The following SAP130 variants were observed in gnomAD, a reference collection of about 807,000 sequenced individuals.
The protein encoded by SAP130 is Sin3A associated protein 130.
A neutral mutation model predicts 103.2 loss-of-function variants in SAP130; 16 were observed. The ratio of observed to expected loss-of-function variants is 0.16; its 90% CI spans 0.10 to 0.24. The LOEUF is 0.24. Among genes scored for constraint, SAP130 ranks in the 10% least tolerant of loss-of-function variants. SAP130 has a pLI of 1.00. For synonymous variants in SAP130, 477 were observed against 497.0 expected (o/e 0.96, Z 0.53); for missense variants, 990 against 1,359.7 (o/e 0.73, Z 4.28).
Position 127,984,459 on chromosome 2 carries a change from C to CGG in SAP130, c.1958+2324_1958+2325dup, listed in dbSNP as rs1559068538. Among the ~76,000 whole-genome samples, 3 of 152,226 alleles carry CGG rather than the reference C, an allele frequency of 2.0e-5. No individual in the cohort carries two copies. The East Asian group carries it at 5.8e-4, about 29-fold the overall frequency. On this transcript the variant is annotated intron_variant, in intron 14 of 20. Transcript: ENST00000643581. Reference sequence around the variant, plus strand: ...TGGTTGTATGTTCATGATTAAGAGTCGGGGAGAGGGACTGAAATGCTGGCT... The same window carrying CGG: ...TGGTTGTATGTTCATGATTAAGAGTCGGGGGGAGAGGGACTGAAATGCTGGCT...
chr2:127,948,328 GTTTT>G (rs71307269), intron 18 of SAP130, among the ~76,000 whole-genome samples: 1 of 101,536 alleles, frequency 9.8e-6, no homozygotes, highest in East Asian at 2.6e-4. Context: ...TTTCCTGTGA[GTTTT>G]TTTTTTTTTT....
intron 16 of SAP130, among the ~76,000 whole-genome samples, chr2:127,951,998 T>C (rs1320929795): frequency 6.6e-6 from 1 of 152,192 alleles, no homozygotes; most frequent in Non-Finnish European, 1.5e-5. Flanking sequence ...TCTCCATGCT[T>C]TCAGCAAAGG....
At chr2:127,973,024 A>G (rs546880702) in intron 15 of SAP130, among the ~76,000 whole-genome samples, 2 of 152,322 alleles carry the variant, frequency 1.3e-5, no homozygotes, top group South Asian at 4.1e-4. Context: ...AACATCACAC[A>G]GTATAGGGAA....
chr2:127,963,372 G>C (rs541502882), intron 15 of SAP130, among the ~76,000 whole-genome samples: 1 of 152,064 alleles, frequency 6.6e-6, no homozygotes, highest in Non-Finnish European at 1.5e-5. Context: ...CAGGACCACA[G>C]GTGCGTGCCA....
Position 127,956,867 on chromosome 2 carries a change from C to T in SAP130, c.2064-1523G>A, listed in dbSNP as rs74647084. ...TTGGTTGCTGGGGAGAAATCCTTCC[C>T]CACTTCTTACTAACCAAAGGTCACA... On this transcript the variant is annotated intron_variant, in intron 15 of 20. Coordinates refer to ENST00000643581, the MANE Select transcript of SAP130 (RefSeq NM_001330301.2). Among the ~76,000 whole-genome samples the T allele has an allele frequency of 5.9e-5, 9 of 152,168 alleles. No homozygotes were observed. In the East Asian group the frequency reaches 1.5e-3, roughly 26 times the overall value.
At chr2:127,948,514 G>C (rs1041161524) in intron 18 of SAP130, among the ~76,000 whole-genome samples, 1 of 151,086 alleles carries the variant, frequency 6.6e-6, no homozygotes, top group African/African-American at 2.4e-5. Flanking sequence ...TAATTTTTTT[G>C]TGTTTTTAGT....
intron 6 of SAP130, among the ~76,000 whole-genome samples, 161 bp downstream of exon 6, chr2:128,012,869 C>T (rs1275328666): frequency 1.3e-5 from 2 of 150,824 alleles, no homozygotes; most frequent in Non-Finnish European, 2.9e-5. Flanking sequence ...ACCATCTCTC[C>T]TCTGCATTCT....
rs1682450424 is a variant in SAP130 at position 127,986,991 on chromosome 2, A to G, written c.1781-29T>C. 1.3e-6 allele frequency: 2 copies of G among 1,590,364 alleles called. No homozygotes were observed. The highest frequency in any genetic ancestry group is 1.7e-6 in the Non-Finnish European group (2 of 1,162,254). On this transcript the variant is annotated intron_variant, in intron 13 of 20. Coordinates refer to ENST00000643581, the MANE Select transcript of SAP130 (RefSeq NM_001330301.2). This position sits in a 1 kb window ranked among gnomAD's most constrained non-coding sequence, Gnocchi z 4.7. ...CAGGAGAGAGGCAACAGGAAAGAACATTGAAGAGAGGGAAACAAAATGCCA... is the reference window on the plus strand; with the variant it reads ...CAGGAGAGAGGCAACAGGAAAGAACGTTGAAGAGAGGGAAACAAAATGCCA...
rs1678789724 is a variant in SAP130, at chr2:127,942,668, C to T, written c.2902-131G>A. 5 of 632,712 alleles carry T rather than the reference C, an allele frequency of 7.9e-6. No individual in the cohort carries two copies. The highest frequency in any genetic ancestry group is 3.7e-5 in the African/African-American group (2 of 54,700). 39.2% of individuals were successfully genotyped at this position (632,712 alleles called of 1,614,324 possible). ...TTGTTTGGGTGACAACGTCCTTTCT[C>T]CTAAGGACTAAGATACTAAGGTTTA... On this transcript the variant is annotated intron_variant, in intron 19 of 20. Transcript: ENST00000643581. The surrounding 1 kb of genome is among the most constrained non-coding windows in gnomAD (Gnocchi z 4.8).
chr2:127,947,767 T>TGTGTGTGA (rs1419919293), intron 18 of SAP130, among the ~76,000 whole-genome samples: 2,958 of 147,224 alleles, frequency 0.02, 99 homozygotes, highest in African/African-American at 0.072. Flanking sequence ...TGTGTGTCTG[T>TGTGTGTGA]GTGTGTGTGT....
At chr2:128,000,286 G>T in intron 8 of SAP130, 21 bp downstream of exon 8, 1 of 1,614,072 alleles carries the variant, frequency 6.2e-7, no homozygotes, top group Non-Finnish European at 8.5e-7. Flanking sequence ...TACACAGGTG[G>T]TTCTCCACTT....
chr2:127,998,007 G>A (rs1010216527), intron 10 of SAP130, among the ~76,000 whole-genome samples: 3 of 151,862 alleles, frequency 2.0e-5, no homozygotes, highest in Non-Finnish European at 4.4e-5. Flanking sequence ...CCAGCTACTC[G>A]GAAGGCTGAG....
chr2:127,954,833 C>T (rs1016361668), intron 16 of SAP130, among the ~76,000 whole-genome samples, 153 bp downstream of exon 16: 5 of 152,270 alleles, frequency 3.3e-5, no homozygotes, highest in Non-Finnish European at 7.4e-5. Flanking sequence ...TTACTGCTTT[C>T]TTCTACTTAT....
At chr2:128,009,975 G>C (rs746446495) in intron 7 of SAP130, among the ~76,000 whole-genome samples, 3 of 152,010 alleles carry the variant, frequency 2.0e-5, no homozygotes, top group Non-Finnish European at 4.4e-5. Context: ...TAAGTCCCCT[G>C]CACCACCCAC....
chr2:127,945,430 TG>T lies in SAP130; in HGVS notation c.2901+25del, dbSNP rs1477678733. Reference sequence around the variant, plus strand: ...GTGTCTTCTCCTCTCTTCAGCATGATGAACAACTGCTAGAACTCCACCTACC... The same window carrying T: ...GTGTCTTCTCCTCTCTTCAGCATGATAACAACTGCTAGAACTCCACCTACC... On this transcript the variant is annotated intron_variant, in intron 19 of 20. Coordinates refer to ENST00000643581, the MANE Select transcript of SAP130 (RefSeq NM_001330301.2). 2.2e-6 allele frequency: 3 copies of T among 1,390,446 alleles called. No homozygotes were observed. In the East Asian group the frequency reaches 6.8e-5, roughly 32 times the overall value. 86.1% of individuals were successfully genotyped at this position (1,390,446 alleles called of 1,614,324 possible).
At chr2:127,987,131 T>G (rs1325786922) in intron 13 of SAP130, among the ~76,000 whole-genome samples, 169 bp from the exon 14 acceptor site, 2 of 152,212 alleles carry the variant, frequency 1.3e-5, no homozygotes, top group African/African-American at 4.8e-5. Flanking sequence ...AAAGAGCAGA[T>G]AGCTAAATGG....
chr2:128,017,737 G>A lies in SAP130; in HGVS notation c.291C>T (p.Ala97=), dbSNP rs1294233779. The part of the protein sequence containing the change: ...VASATPVAVT[A]PPAHLTPAVP... ...CTGCTGGCGTCAGGTGTGCTGGCGG[G>A]GCTGTCACTGCAACAGGTGTGGCTG... is the stretch of plus-strand genomic sequence containing the variant. The change falls in exon 3 of 21, where the codon GCC becomes GCT. Residue 97 remains alanine (A), a synonymous_variant. Transcript: ENST00000643581. 6.2e-7 allele frequency: 1 copy of A among 1,614,076 alleles called. No homozygotes were observed. The highest frequency in any genetic ancestry group is 8.5e-7 in the Non-Finnish European group (1 of 1,180,038).
intron 17 of SAP130, 58 bp from the exon 18 acceptor site, chr2:127,950,052 A>C: frequency 6.2e-7 from 1 of 1,609,598 alleles, no homozygotes; most frequent in Non-Finnish European, 8.5e-7. Flanking sequence ...CTCAAAGTTC[A>C]TTTCCAGTAA....
intron 2 of SAP130, 50 bp from the exon 3 acceptor site, chr2:128,017,965 A>G (rs757494919): frequency 2.1e-6 from 3 of 1,452,062 alleles, no homozygotes; most frequent in Non-Finnish European, 2.9e-6. Context: ...TCCCAGTGTA[A>G]GATAGCAGCA....
Sources: gnomAD v4.1 joint callset for allele counts (sites outside exome capture counted in the v4.1 genomes callset) on GRCh38, gnomAD v4.1.1 for gene constraint, Gnocchi (gnomAD v3.1) non-coding constraint, MANE v1.5 for transcripts, NCBI Gene and HGNC (gene_info 2026-07-23, HGNC 2026-07-21) for gene names.